AHNAK: variants seen among roughly 807,000 people sequenced by gnomAD.
AHNAK encodes the protein neuroblast differentiation-associated protein AHNAK.
In AHNAK, 23 loss-of-function variants were observed where a neutral mutation model predicts 37.8. The ratio of observed to expected loss-of-function variants is 0.61; its 90% CI spans 0.44 to 0.86. AHNAK has a LOEUF of 0.86. Among genes scored for constraint, AHNAK ranks in the 40% least tolerant of loss-of-function variants. The pLI is 0.00. For synonymous variants in AHNAK, 2,481 were observed against 2,636.3 expected, an observed-to-expected ratio of 0.94 and a Z score of 1.80; for missense variants, 7,411 against 7,319.4, an observed-to-expected ratio of 1.01 and a Z score of -0.46.
In AHNAK at chr11:62,529,391, G is replaced by A. The variant is rs1207118492; in HGVS notation, c.5026C>T (p.Pro1676Ser). ...KVKGDMDVSV[P>S]KVEGEMKVPD... ...ACTTTCATTTCACCTTCTACCTTGG[G>A]CACAGACACATCCATATCCCCTTTG... Residue 1676 changes from proline to serine, a missense_variant, in exon 5 of 5, where the codon CCC becomes TCC. Pro to Ser is a moderately conservative substitution (Grantham distance 74). Coordinates refer to ENST00000378024, the MANE Select transcript of AHNAK (RefSeq NM_001620.3). 6.2e-7 allele frequency: 1 copy of A among 1,613,702 alleles called. No individual in the cohort carries two copies. Among genetic ancestry groups the A allele is most frequent in the African/African-American group, 1.3e-5 (1 of 74,794 alleles).
In AHNAK at chr11:62,529,420, T is replaced by C. The variant is rs115036524; in HGVS notation, c.4997A>G (p.Lys1666Arg). The C allele has an allele frequency of 2.6e-3, 4,153 of 1,614,074 alleles. 160 individuals are homozygous for C. In the East Asian group the frequency reaches 0.073, roughly 28 times the overall value. The change falls in exon 5 of 5, where the codon AAA (lysine) becomes AGA (arginine). Residue 1666 changes from lysine to arginine, a missense_variant. By Grantham distance (26) the Lys-to-Arg change is conservative. Coordinates refer to ENST00000378024, the MANE Select transcript of AHNAK (RefSeq NM_001620.3). The part of the protein sequence containing the change: ...PDVDLHLKGP[K>R]VKGDMDVSVP... The stretch of plus-strand genomic sequence containing the variant: ...AGACACATCCATATCCCCTTTGACT[T>C]TGGGGCCTTTCAAGTGTAAGTCCAC...
rs758689853 is a variant in AHNAK, at chr11:62,517,698, T to G, written c.16719A>C (p.Ser5573=). Residue 5573 remains serine (S), a synonymous_variant, in exon 5 of 5, where the codon TCA becomes TCC. Coordinates refer to ENST00000378024, the MANE Select transcript of AHNAK (RefSeq NM_001620.3). Reference sequence around the variant, plus strand: ...TGATGTCTGGGGCACTGACACCCCCTGAAACATCCGCACCTCCTTTGATTT... The same window carrying G: ...TGATGTCTGGGGCACTGACACCCCCGGAAACATCCGCACCTCCTTTGATTT... ...GPKIKGGADV[S]GGVSAPDISL... is the part of the protein sequence containing the mutation. 6.2e-7 allele frequency: 1 copy of G among 1,614,168 alleles called. No individual in the cohort carries two copies. The highest frequency in any genetic ancestry group is 2.2e-5 in the East Asian group (1 of 44,888).
rs200822616 is a variant in AHNAK at position 62,523,450 on chromosome 11, C to T, written c.10967G>A (p.Gly3656Asp). 2,720 of 1,612,992 alleles carry T rather than the reference C, an allele frequency of 1.7e-3. 66 individuals carry two copies. In the South Asian group the frequency reaches 0.027, roughly 16 times the overall value. Residue 3656 changes from glycine to aspartate, a missense_variant, in exon 5 of 5, where the codon GGC (glycine) becomes GAC (aspartate). Physicochemically the swap from Gly to Asp is moderately conservative, Grantham distance 94. Transcript: ENST00000378024. ...CATCTCAGGCATCTTGAACTTGGGG[C>T]CCTTCAGCTTTGCATCTGGACCTTC... ...NIEGPDAKLKGPKFKMPEMNI... is the reference protein window; with the variant it reads ...NIEGPDAKLKDPKFKMPEMNI...
In AHNAK at chr11:62,531,991, G is replaced by A; in HGVS notation, c.2426C>T (p.Pro809Leu). ...GKLKGPKFKM[P>L]EMNIKVPKIS... ...CTTGGGGACTTTGATGTTCATCTCA[G>A]GCATCTTAAACTTGGGCCCTTTCAA... Residue 809 changes from proline (P) to leucine (L), a missense_variant, in exon 5 of 5, where the codon CCT becomes CTT. Coordinates refer to ENST00000378024, the MANE Select transcript of AHNAK (RefSeq NM_001620.3). The A allele has an allele frequency of 6.2e-7, 1 of 1,614,090 alleles. No homozygotes were observed. Among genetic ancestry groups the A allele is most frequent in the South Asian group, 1.1e-5 (1 of 91,072 alleles).
In AHNAK at chr11:62,532,039, C is replaced by CTCA. The variant is rs1469083588; in HGVS notation, c.2375_2377dup (p.Val792_Ser793insMet). 3.1e-6 allele frequency: 5 copies of CTCA among 1,612,896 alleles called. No individual in the cohort carries two copies. The South Asian group carries it at 4.4e-5, about 14-fold the overall frequency. ...CAATTTCCCTTCTGGTTCCTCAATG[C>CTCA]TCACATCAGGAGCAGTAACATCTAT... On this transcript the variant is annotated inframe_insertion, in exon 5 of 5. Transcript: ENST00000378024.
chr11:62,470,427 C>CAG (rs10699369), intron 5 of AHNAK, among the ~76,000 whole-genome samples: 145,756 of 150,362 alleles, frequency 0.97, 70,862 homozygotes, highest in African/African-American at 0.99. Context: ...GCCTGGGTGA[C>CAG]AGCAAGACTC....
In AHNAK at chr11:62,521,483, AG is replaced by A; in HGVS notation, c.12933del (p.Trp4312GlyfsTer3). On this transcript the variant is annotated frameshift_variant, in exon 5 of 5. Transcript: ENST00000378024. LOFTEE classifies it low-confidence loss of function (END_TRUNC). The part of the protein sequence containing the change: ...DAPDVDVHGP[D>X]WHLKMPKVKM... ...TTCACCTTGGGCATCTTCAGGTGCC[AG>A]TCTGGGCCATGAACATCTACATCAG... 1 of 1,611,616 alleles carries A rather than the reference AG, an allele frequency of 6.2e-7. No individual in the cohort carries two copies. Among genetic ancestry groups the A allele is most frequent in the Non-Finnish European group, 8.5e-7 (1 of 1,179,474 alleles).
intron 1 of AHNAK, 101 bp from the exon 2 acceptor site, chr11:62,536,668 C>T (rs1485777962): frequency 2.2e-4 from 33 of 152,414 alleles, no homozygotes; most frequent in Admixed American, 2.2e-3. Context: ...CCCAGGCCAG[C>T]TCAGAACCCG....
chr11:62,454,256 A>G (rs1374040877), intron 5 of AHNAK, among the ~76,000 whole-genome samples: 1 of 150,396 alleles, frequency 6.6e-6, no homozygotes, highest in Non-Finnish European at 1.5e-5. Flanking sequence ...TACTGAAAAT[A>G]CAAAAAATTA....
At chr11:62,478,742 C>A (rs1361722745) in intron 5 of AHNAK, among the ~76,000 whole-genome samples, 4 of 104,070 alleles carry the variant, frequency 3.8e-5, no homozygotes, top group Non-Finnish European at 7.5e-5. Flanking sequence ...CAGAATGAGA[C>A]CCTGCCTCAA....
rs769733996 is a variant in AHNAK at position 62,529,589 on chromosome 11, C to A, written c.4828G>T (p.Gly1610Cys). Residue 1610 changes from glycine (G) to cysteine (C), a missense_variant, in exon 5 of 5, where the codon GGT becomes TGT. By Grantham distance (159) the Gly-to-Cys change is radical. Coordinates refer to ENST00000378024, the MANE Select transcript of AHNAK (RefSeq NM_001620.3). ...SLPKVEGDLKGPEIDVKAPKM... is the reference protein window; with the variant it reads ...SLPKVEGDLKCPEIDVKAPKM... ...GGGGCTTTCACATCAATTTCAGGACCCTTCAAGTCTCCTTCCACTTTGGGA... is the reference window on the plus strand; with the variant it reads ...GGGGCTTTCACATCAATTTCAGGACACTTCAAGTCTCCTTCCACTTTGGGA... 7 of 1,614,116 alleles carry A rather than the reference C, an allele frequency of 4.3e-6. No homozygotes were observed. In the Admixed American group the frequency reaches 1.0e-4, roughly 23 times the overall value.
At chr11:62,546,420 A>C (rs1052293061) in intron 1 of AHNAK, among the ~76,000 whole-genome samples, 6 of 152,348 alleles carry the variant, frequency 3.9e-5, no homozygotes, top group African/African-American at 1.4e-4. Flanking sequence ...AGTGGAGCAA[A>C]GCACTTCGGA....
At chr11:62,535,293 A>C in intron 3 of AHNAK, 103 bp from the exon 4 acceptor site, 1 of 1,073,684 alleles carries the variant, frequency 9.3e-7, no homozygotes, top group Non-Finnish European at 1.4e-6. Context: ...ACTCATGACC[A>C]CCCTGCAAGG....
rs754544855 is a variant in AHNAK, at chr11:62,528,112, C to T, written c.6305G>A (p.Gly2102Asp). Residue 2102 changes from glycine to aspartate, a missense_variant, in exon 5 of 5, where the codon GGC (glycine) becomes GAC (aspartate). Coordinates refer to ENST00000378024, the MANE Select transcript of AHNAK (RefSeq NM_001620.3). The stretch of plus-strand genomic sequence containing the variant: ...CATCTCAGGCATCTTAAGCTTGGGG[C>T]CCTTCAGCTTCCCTTCTGGACCTTC... The part of the protein sequence containing the change: ...SLEGPEGKLK[G>D]PKLKMPEMHF... The T allele has an allele frequency of 1.9e-6, 3 of 1,611,808 alleles. No individual in the cohort carries two copies. In the South Asian group the frequency reaches 3.3e-5, roughly 18 times the overall value.
chr11:62,456,775 C>G (rs993007675), intron 5 of AHNAK, among the ~76,000 whole-genome samples: 1 of 152,170 alleles, frequency 6.6e-6, no homozygotes, highest in Non-Finnish European at 1.5e-5. Flanking sequence ...CACTTATAAG[C>G]CCCACCCCTG....
chr11:62,496,792 C>A (rs1421718021), intron 4 of AHNAK, among the ~76,000 whole-genome samples: 1 of 146,442 alleles, frequency 6.8e-6, no homozygotes, highest in East Asian at 2.0e-4. Flanking sequence ...GAGGGAGACT[C>A]CATCTCAAGA....
intron 5 of AHNAK, among the ~76,000 whole-genome samples, chr11:62,467,427 G>A (rs1254002863): frequency 6.6e-6 from 1 of 152,174 alleles, no homozygotes; most frequent in Non-Finnish European, 1.5e-5. Flanking sequence ...GCTCACGCCT[G>A]TAATCCCAGC....
In AHNAK at chr11:62,516,760, GA is replaced by G; in HGVS notation, c.17656del (p.Ser5886ProfsTer18). 1 of 1,611,264 alleles carries G rather than the reference GA, an allele frequency of 6.2e-7. No homozygotes were observed. Among genetic ancestry groups the G allele is most frequent in the Non-Finnish European group, 8.5e-7 (1 of 1,178,918 alleles). ...IQLPEVELSV[S>X]TKKE Reference sequence around the variant, plus strand: ...AAAGGCCTGCTACTCTTTCTTTGTGGAAACTGACAGCTCCACCTCGGGAAGC... The same window carrying G: ...AAAGGCCTGCTACTCTTTCTTTGTGGAACTGACAGCTCCACCTCGGGAAGC... On this transcript the variant is annotated frameshift_variant, in exon 5 of 5. Coordinates refer to ENST00000378024, the MANE Select transcript of AHNAK (RefSeq NM_001620.3). LOFTEE classifies it high-confidence loss of function.
chr11:62,520,088 G>C lies in AHNAK; in HGVS notation c.14329C>G (p.His4777Asp). 1 of 1,612,658 alleles carries C rather than the reference G, an allele frequency of 6.2e-7. No individual in the cohort carries two copies. The highest frequency in any genetic ancestry group is 8.5e-7 in the Non-Finnish European group (1 of 1,179,668). ...ATTTTCACCTTGGGCATCTTCAGGT[G>C]CCAGTCTGGGCCATGAACATCCACA... ...PDVDVHGPDW[H>D]LKMPKVKMPK... Residue 4777 changes from histidine (H) to aspartate (D), a missense_variant, in exon 5 of 5, where the codon CAC becomes GAC. Physicochemically the swap from His to Asp is moderately conservative, Grantham distance 81 (BLOSUM62 -1). Transcript: ENST00000378024.
Sources: gnomAD v4.1 joint callset for allele counts (sites outside exome capture counted in the v4.1 genomes callset) on GRCh38, gnomAD v4.1.1 for gene constraint, MANE v1.5 for transcripts, NCBI Gene and HGNC (gene_info 2026-07-23, HGNC 2026-07-21) for gene names.